The following TMEM41B variants were observed in gnomAD, a reference collection of about 807,000 sequenced individuals.
The protein encoded by TMEM41B is protein stasimon.
A neutral mutation model predicts 31.9 loss-of-function variants in TMEM41B; 18 were observed. The observed-to-expected ratio is 0.56, with a 90% CI of 0.39 to 0.84. The LOEUF (loss-of-function observed/expected upper bound fraction) is 0.84, where lower values mean the gene tolerates loss of function less well. Ranked by LOEUF, TMEM41B falls within the 40% of genes least tolerant of loss-of-function variation. The pLI is 0.00. For synonymous variants in TMEM41B, 144 were observed against 124.3 expected (o/e 1.16, Z -1.05); for missense variants, 322 against 348.0 (o/e 0.93, Z 0.59).
intron 1 of TMEM41B, among the ~76,000 whole-genome samples, chr11:9,306,613 G>A (rs1005593590): frequency 1.3e-5 from 2 of 152,072 alleles, no homozygotes; most frequent in African/African-American, 4.8e-5. Flanking sequence ...ATTAACCCGG[G>A]AGGCGGAGCT....
chr11:9,314,464 C>G lies in TMEM41B; in HGVS notation c.-23G>C. On this transcript the variant is annotated 5_prime_UTR_variant, in exon 1 of 7. Coordinates refer to ENST00000528080, the MANE Select transcript of TMEM41B (RefSeq NM_015012.4). ...CATGGCTGCTGCAAGGTGAAGGGAG[C>G]GGTGCGGTGCCGCGCCCCCTAAACA... 1.3e-6 allele frequency: 2 copies of G among 1,542,496 alleles called. No homozygotes were observed. The highest frequency in any genetic ancestry group is 8.8e-7 in the Non-Finnish European group (1 of 1,142,012).
chr11:9,299,303 AAAG>A (rs1157337353), intron 2 of TMEM41B, among the ~76,000 whole-genome samples: 60 of 66,142 alleles, frequency 9.1e-4, no homozygotes, highest in Admixed American at 1.6e-3. Flanking sequence ...AAAAAAAAAA[AAAG>A]AAAGTATATA....
chr11:9,288,925 C>T, intron 3 of TMEM41B, among the ~76,000 whole-genome samples: 1 of 152,128 alleles, frequency 6.6e-6, no homozygotes, highest in South Asian at 2.1e-4. Flanking sequence ...AAATTCACTA[C>T]TCATTTTAAA....
intron 3 of TMEM41B, among the ~76,000 whole-genome samples, chr11:9,294,086 T>C (rs1411063992): frequency 7.1e-6 from 1 of 140,892 alleles, no homozygotes; most frequent in Non-Finnish European, 1.5e-5. Context: ...GAGGCTGAGG[T>C]GGGAGGATCA....
intron 5 of TMEM41B, among the ~76,000 whole-genome samples, chr11:9,287,418 T>C (rs1266227684): frequency 6.6e-6 from 1 of 152,222 alleles, no homozygotes; most frequent in Non-Finnish European, 1.5e-5. Flanking sequence ...TCTAATTATG[T>C]GGATGCCTTT....
chr11:9,312,624 G>C (rs1215389214), intron 1 of TMEM41B, among the ~76,000 whole-genome samples: 1 of 152,170 alleles, frequency 6.6e-6, no homozygotes, highest in African/African-American at 2.4e-5. Context: ...AATAATTGTA[G>C]GCCAGGCGTG....
Position 9,286,517 on chromosome 11 carries a change from A to T in TMEM41B, c.644T>A (p.Ile215Asn). The change falls in exon 6 of 7, where the codon ATT becomes AAT. Residue 215 changes from isoleucine to asparagine, a missense_variant. Around this residue, in one of 3 missense-constraint regions of TMEM41B, gnomAD observed 92 missense variants for 88.0 expected, o/e 1.05. Transcript: ENST00000528080. ...GTTTATCACAGGAGATGTGATATTA[A>T]TAAACCAATTAGGCAGAAATGGTGT... is the stretch of plus-strand genomic sequence containing the variant. The part of the protein sequence containing the change: ...RITPFLPNWF[I>N]NITSPVINVP... The T allele has an allele frequency of 6.2e-7, 1 of 1,613,364 alleles. No individual in the cohort carries two copies.
intron 1 of TMEM41B, among the ~76,000 whole-genome samples, chr11:9,304,071 GATA>G (rs1853322231): frequency 1.3e-5 from 2 of 152,270 alleles, no homozygotes; most frequent in Admixed American, 1.3e-4. Context: ...GAAGGAAGAG[GATA>G]ATAATATAGT....
intron 1 of TMEM41B, chr11:9,311,265 C>T (rs1465174883): frequency 1.3e-6 from 2 of 1,504,402 alleles, no homozygotes; most frequent in East Asian, 2.9e-5. Flanking sequence ...GAGGGAAGGA[C>T]CCAGGGCCTG....
chr11:9,290,242 T>G (rs1852924316), intron 3 of TMEM41B, among the ~76,000 whole-genome samples: 1 of 151,868 alleles, frequency 6.6e-6, no homozygotes, highest in Non-Finnish European at 1.5e-5. Context: ...CCGGGCGTGG[T>G]GGTGGGCACC....
At chr11:9,299,345 C>CACACACACGT (rs201083248) in intron 2 of TMEM41B, among the ~76,000 whole-genome samples, 3 of 144,100 alleles carry the variant, frequency 2.1e-5, no homozygotes, top group African/African-American at 7.7e-5. Flanking sequence ...CACACACACA[C>CACACACACGT]GTGTGTGTAT....
At chr11:9,305,199 G>A (rs1262892873) in intron 1 of TMEM41B, among the ~76,000 whole-genome samples, 2 of 146,286 alleles carry the variant, frequency 1.4e-5, no homozygotes, top group East Asian at 2.0e-4. Context: ...AGGAATGAGG[G>A]TAATATATAT....
At chr11:9,283,870 C>T (rs11042262) in intron 6 of TMEM41B, among the ~76,000 whole-genome samples, 59,593 of 151,516 alleles carry the variant, frequency 0.39, 12,590 homozygotes, top group East Asian at 0.49. Flanking sequence ...CTGCAACCTC[C>T]GCCTCCCGGG....
chr11:9,289,581 A>G (rs10770008), intron 3 of TMEM41B, among the ~76,000 whole-genome samples: 59,803 of 151,982 alleles, frequency 0.39, 12,635 homozygotes, highest in East Asian at 0.49. Flanking sequence ...TCAGTTGTCT[A>G]TAACTTAAAA....
rs923912798 is a variant in TMEM41B, at chr11:9,281,621, A to G, written c.*1803T>C. The G allele has an allele frequency of 6.6e-6, 1 of 152,222 alleles. No homozygotes were observed. Among genetic ancestry groups the G allele is most frequent in the Non-Finnish European group, 1.5e-5 (1 of 68,040 alleles). The allele number at this position is 152,222 out of a possible 1,614,324, so 9.4% of individuals were successfully genotyped here. Reference sequence around the variant, plus strand: ...ACTGACAGAGTACTTTAGATCAGCTATGTCCTACAGTCAAGGAATCAAGGG... The same window carrying G: ...ACTGACAGAGTACTTTAGATCAGCTGTGTCCTACAGTCAAGGAATCAAGGG... On this transcript the variant is annotated 3_prime_UTR_variant, in exon 7 of 7. Transcript: ENST00000528080.
chr11:9,314,508 C>A lies in TMEM41B; in HGVS notation c.-67G>T. The A allele has an allele frequency of 1.3e-6, 2 of 1,488,652 alleles. No individual in the cohort carries two copies. Among genetic ancestry groups the A allele is most frequent in the East Asian group, 2.6e-5 (1 of 39,048 alleles). 92.2% of individuals were successfully genotyped at this position (1,488,652 alleles called of 1,614,324 possible). Reference sequence around the variant, plus strand: ...CTAAACAACAAAACTCTGTTGCAGGCTCCTTACTACGCCGAAGCGCCACGG... The same window carrying A: ...CTAAACAACAAAACTCTGTTGCAGGATCCTTACTACGCCGAAGCGCCACGG... On this transcript the variant is annotated 5_prime_UTR_variant, in exon 1 of 7. Transcript: ENST00000528080.
chr11:9,308,894 G>A (rs1410851120), intron 1 of TMEM41B, among the ~76,000 whole-genome samples: 1 of 152,170 alleles, frequency 6.6e-6, no homozygotes, highest in African/African-American at 2.4e-5. Flanking sequence ...CTTACCTGAA[G>A]CTTCAAGGGG....
intron 2 of TMEM41B, among the ~76,000 whole-genome samples, chr11:9,296,386 G>A (rs1390759571): frequency 6.6e-6 from 1 of 151,812 alleles, no homozygotes; most frequent in East Asian, 2.0e-4. Context: ...AGCACTTTGG[G>A]AAGCCGAGGC....
chr11:9,309,054 C>A (rs1375268778), intron 1 of TMEM41B, among the ~76,000 whole-genome samples: 2 of 152,072 alleles, frequency 1.3e-5, no homozygotes, highest in Non-Finnish European at 2.9e-5. Context: ...TCAAGACCAG[C>A]CTGGCCAACA....
Sources: gnomAD v4.1 joint callset for allele counts (sites outside exome capture counted in the v4.1 genomes callset) on GRCh38, gnomAD v4.1.1 for gene constraint, gnomAD v4.1.1 regional missense constraint, MANE v1.5 for transcripts, NCBI Gene and HGNC (gene_info 2026-07-23, HGNC 2026-07-21) for gene names.